Variants in DGKB observed in about 807,000 individuals in gnomAD.
DGKB encodes diacylglycerol kinase beta.
Under a neutral mutation model 114.3 loss-of-function variants are expected in DGKB, and 67 were observed. The observed-to-expected ratio is 0.59, with a 90% CI of 0.48 to 0.72. The LOEUF is 0.72. Ranked by LOEUF, DGKB falls within the 30% of genes least tolerant of loss-of-function variation. DGKB has a pLI of 0.00. For synonymous variants in DGKB, 398 were observed against 323.1 expected, an observed-to-expected ratio of 1.23 and a Z score of -2.49; for missense variants, 907 against 975.2, an observed-to-expected ratio of 0.93 and a Z score of 0.93.
intron 20 of DGKB, among the ~76,000 whole-genome samples, chr7:14,495,947 C>A (rs921809849): frequency 2.6e-5 from 4 of 151,736 alleles, no homozygotes; most frequent in African/African-American, 9.7e-5. Context: ...AAGCTTCAGG[C>A]TACTGTTAAA....
Position 14,409,620 on chromosome 7 carries a change from T to C in DGKB, c.1836-64229A>G, listed in dbSNP as rs1376568234. Among the ~76,000 whole-genome samples, 2 of 43,336 alleles carry C rather than the reference T, an allele frequency of 4.6e-5. 1 individual carries two copies. Among genetic ancestry groups the C allele is most frequent in the East Asian group, 1.1e-3 (2 of 1,850 alleles). The allele number at this position is 43,336 out of a possible 152,430, so 28.4% of individuals were successfully genotyped here. ...TACTCGGGAGGCTGAGGCAGGAGAATGGCGTGAACCCGGGAAGCGGAGCTT... is the reference window on the plus strand; with the variant it reads ...TACTCGGGAGGCTGAGGCAGGAGAACGGCGTGAACCCGGGAAGCGGAGCTT... On this transcript the variant is annotated intron_variant, in intron 21 of 25. Coordinates refer to ENST00000402815, the MANE Select transcript of DGKB (RefSeq NM_001350709.2).
intron 20 of DGKB, among the ~76,000 whole-genome samples, chr7:14,530,241 A>G (rs1237880494): frequency 2.6e-5 from 4 of 151,652 alleles, no homozygotes; most frequent in African/African-American, 7.2e-5. Context: ...AAAAAATTAT[A>G]TACACTGTTT....
At chr7:14,694,043 A>G in intron 9 of DGKB, 32 bp downstream of exon 9, 1 of 1,557,678 alleles carries the variant, frequency 6.4e-7, no homozygotes. Context: ...CTGACTCACC[A>G]CCAGGCCACC....
At chr7:14,429,926 C>A (rs1029978632) in intron 21 of DGKB, among the ~76,000 whole-genome samples, 59 of 147,842 alleles carry the variant, frequency 4.0e-4, no homozygotes, top group African/African-American at 1.4e-3. Flanking sequence ...GACTCTGTCC[C>A]CCCCCCCAAA....
At chr7:14,745,247 T>C (rs1344664357) in intron 4 of DGKB, among the ~76,000 whole-genome samples, 1 of 152,210 alleles carries the variant, frequency 6.6e-6, no homozygotes, top group East Asian at 1.9e-4. Context: ...CAAGCGATCA[T>C]GCAACCAGAG....
At chr7:14,860,959 C>T (rs1164685748) in intron 1 of DGKB, among the ~76,000 whole-genome samples, 1 of 152,044 alleles carries the variant, frequency 6.6e-6, no homozygotes, top group Middle Eastern at 3.4e-3. Flanking sequence ...CCTTCATAAA[C>T]ACTGCATGCC....
intron 12 of DGKB, among the ~76,000 whole-genome samples, chr7:14,674,714 AGAG>A (rs570831366): frequency 4.3e-4 from 65 of 152,216 alleles, no homozygotes; most frequent in South Asian, 1.5e-3. Context: ...AACGGCACAG[AGAG>A]GAGAAGTCCC....
intron 2 of DGKB, among the ~76,000 whole-genome samples, chr7:14,767,705 T>C (rs1298187774): frequency 6.6e-6 from 1 of 151,980 alleles, no homozygotes; most frequent in Non-Finnish European, 1.5e-5. Flanking sequence ...TAAAATTCAC[T>C]TTTGTGGGCA....
At position 14,148,864 on chromosome 7, in the gene DGKB, G is replaced by T. The variant is rs1781767773; in HGVS notation, c.*267C>A. On this transcript the variant is annotated 3_prime_UTR_variant, in exon 26 of 26. Coordinates refer to ENST00000402815, the MANE Select transcript of DGKB (RefSeq NM_001350709.2). ...ATTGGGGAAGAGTTGGGTGGGAGAT[G>T]TAAAAATCTATGGGAATGCATGCAC... 6.7e-6 allele frequency: 3 copies of T among 448,096 alleles called. No homozygotes were observed. The highest frequency in any genetic ancestry group is 1.2e-5 in the Non-Finnish European group (3 of 250,794). The allele number at this position is 448,096 out of a possible 1,614,324, so 27.8% of individuals were successfully genotyped here. A position where few individuals can be genotyped will look rare whatever the true frequency, so the allele number is the denominator to read the frequency against.
chr7:14,769,182 G>GA (rs2128467946), intron 2 of DGKB, among the ~76,000 whole-genome samples: 2 of 131,140 alleles, frequency 1.5e-5, no homozygotes, highest in African/African-American at 5.7e-5. Context: ...GAAAGAGAAA[G>GA]GAAAGAAAGA....
At chr7:14,599,366 A>T (rs1803142575) in intron 17 of DGKB, among the ~76,000 whole-genome samples, 1 of 152,184 alleles carries the variant, frequency 6.6e-6, no homozygotes, top group Non-Finnish European at 1.5e-5. Context: ...CTGACATCCG[A>T]CTGCCCTTCA....
chr7:14,289,090 G>T (rs962670515), intron 23 of DGKB, among the ~76,000 whole-genome samples: 7 of 152,156 alleles, frequency 4.6e-5, no homozygotes, highest in Non-Finnish European at 8.8e-5. Flanking sequence ...AAGACATATT[G>T]TTTATTATAG....
chr7:14,557,424 T>C (rs954247124), intron 20 of DGKB, among the ~76,000 whole-genome samples: 2 of 152,186 alleles, frequency 1.3e-5, no homozygotes, highest in Non-Finnish European at 2.9e-5. Context: ...TTGTCATTTT[T>C]TTAGGGGAGA....
At chr7:14,487,122 C>T (rs977850210) in intron 20 of DGKB, among the ~76,000 whole-genome samples, 2 of 152,150 alleles carry the variant, frequency 1.3e-5, no homozygotes, top group African/African-American at 4.8e-5. Flanking sequence ...TGAAATGACT[C>T]CAGACTGCCG....
chr7:14,642,697 G>A (rs915627627), intron 13 of DGKB, among the ~76,000 whole-genome samples: 5 of 152,046 alleles, frequency 3.3e-5, no homozygotes, highest in Non-Finnish European at 7.4e-5. Context: ...ACTTTGAATG[G>A]TATTGTGAAA....
chr7:14,220,278 G>A (rs978741313), intron 23 of DGKB, among the ~76,000 whole-genome samples: 1 of 151,570 alleles, frequency 6.6e-6, no homozygotes, highest in African/African-American at 2.4e-5. Context: ...ATTGACTAAA[G>A]CATTGTTAAT....
intron 1 of DGKB, among the ~76,000 whole-genome samples, chr7:14,925,285 G>A (rs558958533): frequency 6.6e-6 from 1 of 152,270 alleles, no homozygotes; most frequent in South Asian, 2.1e-4. Context: ...TGGGATTAAT[G>A]CTGAGGAGTA....
intron 21 of DGKB, among the ~76,000 whole-genome samples, chr7:14,359,638 C>G (rs1382486280): frequency 3.9e-5 from 6 of 152,034 alleles, no homozygotes; most frequent in Non-Finnish European, 8.8e-5. Flanking sequence ...GCAAACAACC[C>G]CATCAAAAAG....
chr7:14,689,199 A>ATTTTTTTTTTTTTTTTTTTTTTTTTTTTT (rs551618345), intron 9 of DGKB, among the ~76,000 whole-genome samples: 2 of 76,570 alleles, frequency 2.6e-5, no homozygotes, highest in African/African-American at 4.1e-5. Flanking sequence ...AACTCCTCTT[A>ATTTTTTTTTTTTTTTTTTTTTTTTTTTTT]TTTTTTTTTT....
Sources: allele counts gnomAD v4.1 joint callset (sites outside exome capture counted in the v4.1 genomes callset), GRCh38; gene constraint gnomAD v4.1.1; transcripts MANE v1.5; gene names NCBI Gene and HGNC (gene_info 2026-07-23, HGNC 2026-07-21).